Variants in ACER1 observed in about 807,000 individuals in gnomAD.
ACER1 encodes CTB-180A7.3.
A neutral mutation model predicts 24.9 loss-of-function variants in ACER1; 28 were observed. The observed-to-expected ratio is 1.13, with a 90% CI of 0.83 to 1.54. The LOEUF (loss-of-function observed/expected upper bound fraction) is 1.54, where lower values mean the gene tolerates loss of function less well. ACER1 is among the 40% of genes most tolerant of loss of function. The probability of loss-of-function intolerance (pLI) is 0.00; values close to 1 mark genes in which losing one functional copy is unlikely to be tolerated. For missense variants in ACER1, 352 were observed against 349.3 expected (o/e 1.01, Z -0.06); for synonymous variants, 132 against 131.4 (o/e 1.00, Z -0.03).
At chr19:6,338,857 G>A in the ACER1 span, among the ~76,000 whole-genome samples, 1 of 151,670 alleles carries the variant, frequency 6.6e-6, no homozygotes, top group African/African-American at 2.4e-5. Context: ...TTACATGTGT[G>A]AGCCACCGCA....
the ACER1 span, among the ~76,000 whole-genome samples, chr19:6,351,837 A>G: frequency 6.6e-6 from 1 of 152,094 alleles, no homozygotes; most frequent in Non-Finnish European, 1.5e-5. Flanking sequence ...CGGGTGGATC[A>G]CAACGCCAGG....
At chr19:6,355,868 G>A in the ACER1 span, among the ~76,000 whole-genome samples, 1,344 of 148,146 alleles carry the variant, frequency 9.1e-3, 27 homozygotes, top group Non-Finnish European at 0.012. Context: ...CCCCCCGCCC[G>A]GCCAGCCGCC....
intron 1 of ACER1, among the ~76,000 whole-genome samples, chr19:6,326,120 ATTT>A (rs961518968): frequency 2.1e-5 from 2 of 97,256 alleles, no homozygotes; most frequent in African/African-American, 3.9e-5. Flanking sequence ...ATGCTCAGCT[ATTT>A]TTTTTTTTTT....
At chr19:6,323,767 A>G (rs2091644782) in intron 1 of ACER1, among the ~76,000 whole-genome samples, 1 of 152,178 alleles carries the variant, frequency 6.6e-6, no homozygotes, top group African/African-American at 2.4e-5. Flanking sequence ...TGCTGTGGAT[A>G]TTGATAAGAA....
At chr19:6,349,300 C>T in the ACER1 span, among the ~76,000 whole-genome samples, 4 of 148,468 alleles carry the variant, frequency 2.7e-5, no homozygotes, top group African/African-American at 1.0e-4. Context: ...ACATAGGGAG[C>T]CCCCATCTCT....
chr19:6,328,138 G>C (rs2091670205), intron 1 of ACER1, among the ~76,000 whole-genome samples: 1 of 151,408 alleles, frequency 6.6e-6, no homozygotes, highest in African/African-American at 2.4e-5. Flanking sequence ...ATCTATGGCT[G>C]GTTTTCAGCT....
At chr19:6,351,160 A>C in the ACER1 span, among the ~76,000 whole-genome samples, 2 of 151,478 alleles carry the variant, frequency 1.3e-5, no homozygotes, top group African/African-American at 4.9e-5. Context: ...AGGTCAAGAG[A>C]TCGAGACCAT....
the ACER1 span, among the ~76,000 whole-genome samples, chr19:6,359,721 A>G: frequency 6.6e-6 from 1 of 152,186 alleles, no homozygotes; most frequent in Non-Finnish European, 1.5e-5. Flanking sequence ...TCAGACTTCC[A>G]TGGTCCCTGA....
rs2091699778 is a variant in ACER1 at position 6,333,527 on chromosome 19, T to C, written c.25A>G (p.Ser9Gly). The change falls in exon 1 of 6, where the codon AGC (serine) becomes GGC (glycine). Residue 9 changes from serine (S) to glycine (G), a missense_variant. By Grantham distance (56) the Ser-to-Gly change is moderately conservative. Transcript: ENST00000301452. ...CTCTCACACCAGTCCACCTCGGAGCTCTGATAGGCGAAGATGCTAGGCATC... is the reference window on the plus strand; with the variant it reads ...CTCTCACACCAGTCCACCTCGGAGCCCTGATAGGCGAAGATGCTAGGCATC... The part of the protein sequence containing the change: MPSIFAYQ[S>G]SEVDWCESNF... The C allele has an allele frequency of 6.3e-7, 1 of 1,588,348 alleles. No homozygotes were observed. The highest frequency in any genetic ancestry group is 1.3e-5 in the African/African-American group (1 of 74,628).
At chr19:6,323,239 T>A (rs1205730285) in intron 1 of ACER1, among the ~76,000 whole-genome samples, 1 of 151,276 alleles carries the variant, frequency 6.6e-6, no homozygotes, top group East Asian at 1.9e-4. Flanking sequence ...GCTAACACAG[T>A]GAAACCCCAT....
At chr19:6,344,705 A>G in the ACER1 span, among the ~76,000 whole-genome samples, 23 of 151,230 alleles carry the variant, frequency 1.5e-4, no homozygotes, top group South Asian at 4.0e-3. Flanking sequence ...CTGTGTGGGT[A>G]TAAGTTTTCA....
At chr19:6,347,098 C>CAAAAAAAAAAAAAAAAAAA in the ACER1 span, among the ~76,000 whole-genome samples, 10 of 81,952 alleles carry the variant, frequency 1.2e-4, no homozygotes, top group African/African-American at 5.9e-4. Flanking sequence ...CCTGTCTCTA[C>CAAAAAAAAAAAAAAAAAAA]AAAAAAAAAA....
At chr19:6,339,412 C>G in the ACER1 span, among the ~76,000 whole-genome samples, 1 of 151,858 alleles carries the variant, frequency 6.6e-6, no homozygotes, top group African/African-American at 2.4e-5. Context: ...TCCCCAAAGT[C>G]CTCAGAGTCA....
the ACER1 span, among the ~76,000 whole-genome samples, chr19:6,340,748 G>A: frequency 1.3e-5 from 2 of 152,264 alleles, no homozygotes; most frequent in Admixed American, 1.3e-4. Flanking sequence ...GCTGACTAGG[G>A]AGGACAGAGC....
At position 6,306,692 on chromosome 19, in the gene ACER1, A is replaced by G; in HGVS notation, c.*22T>C. On this transcript the variant is annotated 3_prime_UTR_variant, in exon 6 of 6. Transcript: ENST00000301452. Reference sequence around the variant, plus strand: ...CACAGGCAAGTTGTTGGGTGGTTGGATAGTCAAGAGGCTGGCAGGTCTCAG... The same window carrying G: ...CACAGGCAAGTTGTTGGGTGGTTGGGTAGTCAAGAGGCTGGCAGGTCTCAG... 6.3e-7 allele frequency: 1 copy of G among 1,582,870 alleles called. No homozygotes were observed. The highest frequency in any genetic ancestry group is 8.6e-7 in the Non-Finnish European group (1 of 1,161,204).
chr19:6,332,702 G>A (rs1481287987), intron 1 of ACER1, among the ~76,000 whole-genome samples: 1 of 148,518 alleles, frequency 6.7e-6, no homozygotes, highest in Non-Finnish European at 1.5e-5. Context: ...AGACAGTCTC[G>A]CTTTTTCACC....
At chr19:6,344,219 A>T in the ACER1 span, among the ~76,000 whole-genome samples, 1 of 152,012 alleles carries the variant, frequency 6.6e-6, no homozygotes, top group South Asian at 2.1e-4. Flanking sequence ...CAGTGAGCCG[A>T]GATTGCGCCA....
At chr19:6,311,628 G>GCGGAGAAGAAGA (rs2091581601) in intron 3 of ACER1, among the ~76,000 whole-genome samples, 1 of 148,366 alleles carries the variant, frequency 6.7e-6, no homozygotes, top group Non-Finnish European at 1.5e-5. Context: ...GAAGGAGGAG[G>GCGGAGAAGAAGA]AGGAGAAGAA....
chr19:6,332,695 C>A (rs1285145947), intron 1 of ACER1, among the ~76,000 whole-genome samples: 1 of 150,960 alleles, frequency 6.6e-6, no homozygotes, highest in African/African-American at 2.4e-5. Context: ...TTTTTTGAGA[C>A]AGTCTCGCTT....
Sources: gnomAD v4.1 joint callset for allele counts (sites outside exome capture counted in the v4.1 genomes callset) on GRCh38, gnomAD v4.1.1 for gene constraint, MANE v1.5 for transcripts, NCBI Gene and HGNC (gene_info 2026-07-23, HGNC 2026-07-21) for gene names.